Variants in RPS6KC1 observed in about 807,000 individuals in gnomAD.
RPS6KC1 encodes the protein inactive ribosomal protein S6 kinase delta-1.
In RPS6KC1, 54 loss-of-function variants were observed where a neutral mutation model predicts 103.8. That is an observed-to-expected ratio of 0.52 (90% CI 0.42 to 0.65). The LOEUF (loss-of-function observed/expected upper bound fraction) is 0.65, where lower values mean the gene tolerates loss of function less well. Among genes scored for constraint, RPS6KC1 ranks in the 30% least tolerant of loss-of-function variants. The pLI is 0.00. For synonymous variants in RPS6KC1, 439 were observed against 438.7 expected, an observed-to-expected ratio of 1.00 and a Z score of -0.01; for missense variants, 1,151 against 1,253.8, an observed-to-expected ratio of 0.92 and a Z score of 1.24.
At chr1:213,313,503 T>C in the RPS6KC1 span, among the ~76,000 whole-genome samples, 1 of 152,202 alleles carries the variant, frequency 6.6e-6, no homozygotes, top group African/African-American at 2.4e-5. Context: ...TTTGACACTT[T>C]CCTATATGCC....
chr1:213,549,612 C>CT, the RPS6KC1 span, among the ~76,000 whole-genome samples: 2,734 of 86,736 alleles, frequency 0.032, 106 homozygotes, highest in African/African-American at 0.1. Flanking sequence ...TTTTCTTTTC[C>CT]TTTTTTTTTT....
In RPS6KC1 at chr1:213,222,909, T is replaced by TA. The variant is rs1322298821; in HGVS notation, c.1045-7583dup. Among the ~76,000 whole-genome samples the TA allele has an allele frequency of 3.3e-5, 5 of 152,326 alleles. No homozygotes were observed. In the East Asian group the frequency reaches 9.6e-4, roughly 29 times the overall value. The stretch of plus-strand genomic sequence containing the variant: ...GCTCTTGTAAATTTGCCCATCTGGT[T>TA]AAAAATTCAGATCTAATACTAGTCA... On this transcript the variant is annotated intron_variant, in intron 8 of 14. Coordinates refer to ENST00000366960, the MANE Select transcript of RPS6KC1 (RefSeq NM_012424.6).
the RPS6KC1 span, among the ~76,000 whole-genome samples, chr1:213,411,278 G>A: frequency 3.3e-5 from 5 of 152,344 alleles, no homozygotes; most frequent in East Asian, 1.9e-4. Context: ...GAGCACAGGT[G>A]TGTGGCAGAG....
At chr1:213,154,841 C>T (rs56149571) in intron 6 of RPS6KC1, among the ~76,000 whole-genome samples, 2,212 of 152,274 alleles carry the variant, frequency 0.015, 48 homozygotes, top group African/African-American at 0.05. Flanking sequence ...TCTGTAGTCA[C>T]CACAATTGGT....
chr1:213,591,455 C>A, the RPS6KC1 span, among the ~76,000 whole-genome samples: 1 of 152,172 alleles, frequency 6.6e-6, no homozygotes, highest in Non-Finnish European at 1.5e-5. Flanking sequence ...TTACCTGATA[C>A]CCTACCCCAG....
the RPS6KC1 span, among the ~76,000 whole-genome samples, chr1:213,541,863 A>G: frequency 6.6e-6 from 1 of 152,190 alleles, no homozygotes; most frequent in African/African-American, 2.4e-5. Flanking sequence ...ACCTTTGAAC[A>G]TGTGCTGCAG....
the RPS6KC1 span, among the ~76,000 whole-genome samples, chr1:213,365,975 A>T: frequency 6.6e-6 from 1 of 152,244 alleles, no homozygotes; most frequent in Non-Finnish European, 1.5e-5. Context: ...GCAGACATCT[A>T]TCTAGAGCCT....
chr1:213,676,386 A>T, the RPS6KC1 span, among the ~76,000 whole-genome samples: 371 of 152,288 alleles, frequency 2.4e-3, 5 homozygotes, highest in Middle Eastern at 0.02. Flanking sequence ...CATATAGGAG[A>T]TGCTCAACAA....
the RPS6KC1 span, among the ~76,000 whole-genome samples, chr1:213,649,037 C>G: frequency 6.6e-6 from 1 of 152,104 alleles, no homozygotes; most frequent in Non-Finnish European, 1.5e-5. Flanking sequence ...TACCAACCCT[C>G]TCACTTGCCT....
intron 12 of RPS6KC1, among the ~76,000 whole-genome samples, chr1:213,249,389 A>G (rs1471436124): frequency 6.6e-6 from 1 of 152,238 alleles, no homozygotes; most frequent in African/African-American, 2.4e-5. Context: ...AGTTCTTCAC[A>G]AATTCTTCCT....
chr1:213,299,235 A>G, the RPS6KC1 span, among the ~76,000 whole-genome samples: 1 of 152,098 alleles, frequency 6.6e-6, no homozygotes, highest in African/African-American at 2.4e-5. Flanking sequence ...CCCTTTTTCT[A>G]TATTGCAGTG....
chr1:213,822,899 A>G, the RPS6KC1 span, among the ~76,000 whole-genome samples: 1 of 152,048 alleles, frequency 6.6e-6, no homozygotes, highest in Admixed American at 6.5e-5. Context: ...ACCTTCTATA[A>G]TCTACTATCT....
the RPS6KC1 span, among the ~76,000 whole-genome samples, chr1:213,461,350 A>G: frequency 1.3e-5 from 2 of 152,230 alleles, no homozygotes; most frequent in African/African-American, 4.8e-5. Context: ...GAAAATGACC[A>G]TACTGCCCTA....
At chr1:213,076,707 G>T (rs2079374712) in intron 2 of RPS6KC1, among the ~76,000 whole-genome samples, 1 of 151,614 alleles carries the variant, frequency 6.6e-6, no homozygotes. Context: ...GTCTAATCTA[G>T]ATGATATTTT....
chr1:213,150,996 ACC>A (rs775626806), intron 6 of RPS6KC1, among the ~76,000 whole-genome samples: 2 of 121,522 alleles, frequency 1.6e-5, no homozygotes, highest in Non-Finnish European at 3.5e-5. Context: ...CAGGGGGCTG[ACC>A]CCCCCCACCT....
chr1:213,740,498 C>G, the RPS6KC1 span, among the ~76,000 whole-genome samples: 5 of 152,024 alleles, frequency 3.3e-5, no homozygotes, highest in Non-Finnish European at 7.4e-5. Context: ...TTGTTAATAT[C>G]TTGGGATTCA....
chr1:213,469,062 C>T, the RPS6KC1 span, among the ~76,000 whole-genome samples: 1 of 152,210 alleles, frequency 6.6e-6, no homozygotes, highest in Non-Finnish European at 1.5e-5. Context: ...GGTAATCCCG[C>T]TGTCCCCTTT....
the RPS6KC1 span, among the ~76,000 whole-genome samples, chr1:213,291,385 G>C: frequency 6.6e-6 from 1 of 152,164 alleles, no homozygotes; most frequent in Admixed American, 6.5e-5. Flanking sequence ...TTCAAGAATT[G>C]ACCTTACAGC....
chr1:213,725,554 A>T, the RPS6KC1 span, among the ~76,000 whole-genome samples: 1 of 152,144 alleles, frequency 6.6e-6, no homozygotes, highest in Non-Finnish European at 1.5e-5. Flanking sequence ...TGCTGTGGGT[A>T]CTGCTTCAAC....
Sources: gnomAD v4.1 joint callset for allele counts (sites outside exome capture counted in the v4.1 genomes callset) on GRCh38, gnomAD v4.1.1 for gene constraint, MANE v1.5 for transcripts, NCBI Gene and HGNC (gene_info 2026-07-23, HGNC 2026-07-21) for gene names.